OLFM3: variants seen among roughly 807,000 people sequenced by gnomAD.
OLFM3 encodes olfactomedin 3.
Under a neutral mutation model 48.6 loss-of-function variants are expected in OLFM3, and 20 were observed. The ratio of observed to expected loss-of-function variants is 0.41; its 90% confidence interval spans 0.29 to 0.60. The LOEUF is 0.60. Among genes scored for constraint, OLFM3 ranks in the 20% least tolerant of loss-of-function variants. OLFM3 has a pLI of 0.28. For synonymous variants in OLFM3, 222 were observed against 198.1 expected (o/e 1.12, Z -1.01); for missense variants, 437 against 544.3 (o/e 0.80, Z 1.96).
intron 1 of OLFM3, among the ~76,000 whole-genome samples, chr1:101,973,084 C>T (rs572568741): frequency 1.6e-4 from 24 of 152,260 alleles, no homozygotes; most frequent in African/African-American, 4.6e-4. Context: ...GTATTAGGGT[C>T]TTCAGAAAAA....
At position 101,968,290 on chromosome 1, in the gene OLFM3, C is replaced by T. The variant is rs368427829; in HGVS notation, c.69+28458G>A. Reference sequence around the variant, plus strand: ...ACATCCTTTTTACAATTGCTCTCCTCATCCAGAAGAAAACTTCACACCATA... The same window carrying T: ...ACATCCTTTTTACAATTGCTCTCCTTATCCAGAAGAAAACTTCACACCATA... On this transcript the variant is annotated intron_variant, in intron 1 of 5. Coordinates refer to ENST00000370103, the MANE Select transcript of OLFM3 (RefSeq NM_058170.4). 6.6e-5 allele frequency among the ~76,000 whole-genome samples: 10 copies of T among 152,124 alleles called. No individual in the cohort carries two copies. The East Asian group carries it at 1.4e-3, about 21-fold the overall frequency.
At chr1:101,989,219 T>C (rs1381854472) in intron 1 of OLFM3, among the ~76,000 whole-genome samples, 1 of 152,130 alleles carries the variant, frequency 6.6e-6, no homozygotes, top group African/African-American at 2.4e-5. Flanking sequence ...ATCTTCTCTC[T>C]AAACTTATTT....
intron 1 of OLFM3, among the ~76,000 whole-genome samples, chr1:101,940,433 A>G (rs1191263408): frequency 1.3e-5 from 2 of 151,420 alleles, no homozygotes; most frequent in African/African-American, 2.4e-5. Flanking sequence ...GATTTTTTAA[A>G]ATTTTTATCT....
intron 1 of OLFM3, among the ~76,000 whole-genome samples, chr1:101,911,220 G>A (rs1187444885): frequency 6.6e-6 from 1 of 152,004 alleles, no homozygotes; most frequent in African/African-American, 2.4e-5. Context: ...AGATAAATAT[G>A]GTTATATTTG....
chr1:101,888,058 G>C (rs1657837349), intron 1 of OLFM3, among the ~76,000 whole-genome samples: 1 of 151,878 alleles, frequency 6.6e-6, no homozygotes, highest in Non-Finnish European at 1.5e-5. Flanking sequence ...ATTATGGCAT[G>C]ATTCATTTTT....
rs1014667872 is a variant in OLFM3 at position 101,804,968 on chromosome 1, T to C, written c.700-53A>G. 2 of 1,394,978 alleles carry C rather than the reference T, an allele frequency of 1.4e-6. No homozygotes were observed. The highest frequency in any genetic ancestry group is 1.4e-5 in the African/African-American group (1 of 69,532). The allele number at this position is 1,394,978 out of a possible 1,614,324, so 86.4% of individuals were successfully genotyped here. On this transcript the variant is annotated intron_variant, in intron 5 of 5. Transcript: ENST00000370103. The surrounding 1 kb of genome is among the most constrained non-coding windows in gnomAD (Gnocchi z 4.5). ...GTGACTAAATTCTGTACTTTTCTGA[T>C]AACCCCAAAAGAAAGACAGTGAGAG...
chr1:101,830,947 C>A, intron 2 of OLFM3, 120 bp from the exon 3 acceptor site: 1 of 736,128 alleles, frequency 1.4e-6, no homozygotes, highest in Non-Finnish European at 2.2e-6. Flanking sequence ...TAACTGGGTT[C>A]CCATATGACA....
At chr1:101,860,737 T>C (rs1656620090) in intron 1 of OLFM3, among the ~76,000 whole-genome samples, 1 of 151,990 alleles carries the variant, frequency 6.6e-6, no homozygotes, top group Non-Finnish European at 1.5e-5. Flanking sequence ...TAGGTAGTCT[T>C]AATATCCAAA....
rs139403729 is a variant in OLFM3, at chr1:101,804,541, G to C, written c.1074C>G (p.Thr358=). The change falls in exon 6 of 6, where the codon ACC becomes ACG. Residue 358 remains threonine, a synonymous_variant. Transcript: ENST00000370103. This position sits in a 1 kb window ranked among gnomAD's most constrained non-coding sequence, Gnocchi z 4.5. The stretch of plus-strand genomic sequence containing the variant: ...TGCTCCAGCTCTTCATCACCTCCAA[G>C]GTATCTTGGTTAAGTTGGCTGATGA... The part of the protein sequence containing the change: ...NIVISQLNQD[T]LEVMKSWSTG... The C allele has an allele frequency of 1.1e-5, 17 of 1,612,618 alleles. No individual in the cohort carries two copies. The highest frequency in any genetic ancestry group is 1.3e-5 in the Non-Finnish European group (15 of 1,179,150).
At chr1:101,930,844 C>A (rs1659424214) in intron 1 of OLFM3, among the ~76,000 whole-genome samples, 1 of 152,152 alleles carries the variant, frequency 6.6e-6, no homozygotes, top group South Asian at 2.1e-4. Context: ...GGAGCCAGGG[C>A]TCCAGCATTT....
At chr1:101,941,179 G>A (rs747546239) in intron 1 of OLFM3, among the ~76,000 whole-genome samples, 1 of 152,152 alleles carries the variant, frequency 6.6e-6, no homozygotes, top group Non-Finnish European at 1.5e-5. Flanking sequence ...AGGTCCATCC[G>A]AGAACAGAGC....
At chr1:101,861,765 T>C (rs888073390) in intron 1 of OLFM3, among the ~76,000 whole-genome samples, 5 of 152,254 alleles carry the variant, frequency 3.3e-5, no homozygotes, top group African/African-American at 1.2e-4. Flanking sequence ...TACTGTGTGA[T>C]CCTGTGTAAA....
At chr1:101,850,229 T>G (rs1656169561) in intron 1 of OLFM3, among the ~76,000 whole-genome samples, 1 of 152,180 alleles carries the variant, frequency 6.6e-6, no homozygotes, top group Non-Finnish European at 1.5e-5. Flanking sequence ...ACTTATTTTC[T>G]TTGTGGAATT....
At chr1:101,817,360 T>A (rs1317903024) in intron 4 of OLFM3, among the ~76,000 whole-genome samples, 1 of 152,158 alleles carries the variant, frequency 6.6e-6, no homozygotes, top group East Asian at 1.9e-4. Flanking sequence ...TATAAAATAT[T>A]GTATGTGCAC....
chr1:101,858,756 T>C (rs1395668229), intron 1 of OLFM3, among the ~76,000 whole-genome samples: 2 of 152,078 alleles, frequency 1.3e-5, no homozygotes, highest in Non-Finnish European at 2.9e-5. Flanking sequence ...CTCTGCCTTC[T>C]ACTATAATTG....
Position 101,804,150 on chromosome 1 carries a change from A to C in OLFM3, c.*88T>G, listed in dbSNP as rs1262188560. On this transcript the variant is annotated 3_prime_UTR_variant, in exon 6 of 6. Coordinates refer to ENST00000370103, the MANE Select transcript of OLFM3 (RefSeq NM_058170.4). The surrounding 1 kb of genome is among the most constrained non-coding windows in gnomAD (Gnocchi z 4.5). Reference sequence around the variant, plus strand: ...GCTTTGCTTTGGAGAAATGATGAAAAATAATAGTGAAGAAAAAAACGGAAG... The same window carrying C: ...GCTTTGCTTTGGAGAAATGATGAAACATAATAGTGAAGAAAAAAACGGAAG... 9.7e-7 allele frequency: 1 copy of C among 1,034,792 alleles called. No individual in the cohort carries two copies. The highest frequency in any genetic ancestry group is 1.4e-6 in the Non-Finnish European group (1 of 735,928). The allele number at this position is 1,034,792 out of a possible 1,614,324, so 64.1% of individuals were successfully genotyped here.
intron 1 of OLFM3, among the ~76,000 whole-genome samples, chr1:101,867,247 G>A (rs931814154): frequency 7.2e-5 from 11 of 152,148 alleles, no homozygotes; most frequent in African/African-American, 2.7e-4. Flanking sequence ...TATCAAATCT[G>A]GAGATAATCT....
At chr1:101,958,850 T>TATAC (rs1660381295) in intron 1 of OLFM3, among the ~76,000 whole-genome samples, 1 of 149,902 alleles carries the variant, frequency 6.7e-6, no homozygotes, top group Non-Finnish European at 1.5e-5. Flanking sequence ...TATATATATA[T>TATAC]ATATATATGA....
chr1:101,923,326 G>A (rs1219075309), intron 1 of OLFM3, among the ~76,000 whole-genome samples: 1 of 152,160 alleles, frequency 6.6e-6, no homozygotes, highest in Non-Finnish European at 1.5e-5. Flanking sequence ...AATATTTTAA[G>A]CTTCTCCTGT....
Sources: allele counts gnomAD v4.1 joint callset (sites outside exome capture counted in the v4.1 genomes callset), GRCh38; gene constraint gnomAD v4.1.1; non-coding constraint Gnocchi (gnomAD v3.1); transcripts MANE v1.5; gene names NCBI Gene and HGNC (gene_info 2026-07-23, HGNC 2026-07-21).